The following DIAPH2 variants were observed in gnomAD, a reference collection of about 807,000 sequenced individuals.
The protein encoded by DIAPH2 is diaphanous related formin 2.
Under a neutral mutation model 92.7 loss-of-function variants are expected in DIAPH2, and 35 were observed. That is an observed-to-expected ratio of 0.38 (90% CI 0.29 to 0.50). The LOEUF is 0.50. DIAPH2 is among the 20% of genes least tolerant of loss of function. DIAPH2 has a pLI of 0.94. For missense variants in DIAPH2, 701 were observed against 819.5 expected, an observed-to-expected ratio of 0.86 and a Z score of 1.77; for synonymous variants, 301 against 280.4, an observed-to-expected ratio of 1.07 and a Z score of -0.73.
At chrX:97,160,943 G>A (rs2067365604) in intron 22 of DIAPH2, among the ~76,000 whole-genome samples, 1 of 110,919 alleles carries the variant, frequency 9.0e-6, no homozygotes, top group Non-Finnish European at 1.9e-5. Flanking sequence ...TGGAACATAT[G>A]GAATGATCAT....
intron 17 of DIAPH2, among the ~76,000 whole-genome samples, chrX:97,006,608 C>A (rs1708486955): frequency 8.9e-6 from 1 of 112,002 alleles, no homozygotes; most frequent in Non-Finnish European, 1.9e-5. Flanking sequence ...CATGGAATAT[C>A]TTTTTCCATC....
At chrX:97,543,056 A>G (rs1200593385) in intron 26 of DIAPH2, among the ~76,000 whole-genome samples, 1 of 112,546 alleles carries the variant, frequency 8.9e-6, no homozygotes, top group Non-Finnish European at 1.9e-5. Context: ...CGATTCTGCA[A>G]TCTGGGCTGG....
intron 22 of DIAPH2, among the ~76,000 whole-genome samples, chrX:97,185,357 G>GTA (rs1555998093): frequency 0.024 from 474 of 19,621 alleles, 86 homozygotes; most frequent in African/African-American, 0.11. Flanking sequence ...ATATATGTGT[G>GTA]TATATATATA....
In DIAPH2 at chrX:97,179,365, C is replaced by T. The variant is rs1467027356; in HGVS notation, c.2719+37571C>T. 3.7e-5 allele frequency among the ~76,000 whole-genome samples: 4 copies of T among 109,065 alleles called. No individual in the cohort carries two copies. The Admixed American group carries it at 4.0e-4, about 11-fold the overall frequency. 94.7% of individuals were successfully genotyped at this position (109,065 alleles called of 115,157 possible). ...TTAACCCATCATCTAGGTTCCCTCC[C>T]CTCACCTCCCCAACAAGCCCGTGTG... On this transcript the variant is annotated intron_variant, in intron 22 of 26. Coordinates refer to ENST00000324765, the MANE Select transcript of DIAPH2 (RefSeq NM_006729.5).
At chrX:97,564,176 A>G (rs1569425023) in intron 26 of DIAPH2, among the ~76,000 whole-genome samples, 1 of 112,330 alleles carries the variant, frequency 8.9e-6, no homozygotes. Flanking sequence ...TCCTTTTGCC[A>G]TGTGAGGACA....
At chrX:96,970,336 C>T (rs2065920370) in intron 17 of DIAPH2, among the ~76,000 whole-genome samples, 1 of 102,120 alleles carries the variant, frequency 9.8e-6, no homozygotes, top group Non-Finnish European at 2.0e-5. Flanking sequence ...GTGAAACTGT[C>T]TGTTCTGGGT....
At chrX:97,427,303 G>A (rs960765929) in intron 25 of DIAPH2, among the ~76,000 whole-genome samples, 1 of 110,650 alleles carries the variant, frequency 9.0e-6, no homozygotes, top group African/African-American at 3.3e-5. Context: ...TTAACTTATC[G>A]AATAGTGTTC....
intron 21 of DIAPH2, among the ~76,000 whole-genome samples, chrX:97,135,749 A>G (rs1264900222): frequency 9.0e-6 from 1 of 111,531 alleles, no homozygotes; most frequent in East Asian, 2.8e-4. Context: ...AAAGTGGCAT[A>G]TTCGTAACTA....
chrX:97,232,416 G>A (rs1341453574), intron 22 of DIAPH2, among the ~76,000 whole-genome samples: 1 of 111,142 alleles, frequency 9.0e-6, no homozygotes, highest in Non-Finnish European at 1.9e-5. Context: ...TGTATTTTTA[G>A]TAGCGACGGG....
At chrX:96,883,984 C>A (rs765843821) in intron 5 of DIAPH2, 160 of 188,373 alleles carry the variant, frequency 8.5e-4, no homozygotes, top group African/African-American at 4.3e-3. Context: ...AATAGATAGG[C>A]GCTTTGACCA....
At chrX:97,248,080 C>T (rs138866627) in intron 23 of DIAPH2, among the ~76,000 whole-genome samples, 1,121 of 111,560 alleles carry the variant, frequency 0.01, 13 homozygotes, top group African/African-American at 0.035. Context: ...ATTTGAAAGC[C>T]CACAGGATAT....
At chrX:97,121,615 G>T (rs2067059127) in intron 21 of DIAPH2, among the ~76,000 whole-genome samples, 1 of 111,817 alleles carries the variant, frequency 8.9e-6, no homozygotes. Context: ...GATACAAAGG[G>T]CATATTTTTG....
chrX:97,185,690 A>G (rs938939614), intron 22 of DIAPH2, among the ~76,000 whole-genome samples: 5 of 103,260 alleles, frequency 4.8e-5, no homozygotes, highest in African/African-American at 1.8e-4. Flanking sequence ...TATGGTACCT[A>G]TGCATACTTT....
At chrX:97,502,616 T>C (rs1399072046) in intron 26 of DIAPH2, among the ~76,000 whole-genome samples, 1 of 112,690 alleles carries the variant, frequency 8.9e-6, no homozygotes, top group Non-Finnish European at 1.9e-5. Flanking sequence ...ATCTGAGTTC[T>C]TTTAATAGAT....
At chrX:96,821,018 C>G (rs1213714765) in intron 4 of DIAPH2, among the ~76,000 whole-genome samples, 1 of 111,339 alleles carries the variant, frequency 9.0e-6, no homozygotes, top group Non-Finnish European at 1.9e-5. Flanking sequence ...TTGGAAAGAA[C>G]TTGGTCTGGT....
intron 17 of DIAPH2, among the ~76,000 whole-genome samples, chrX:97,067,824 T>TAATATGC (rs2066643802): frequency 9.0e-6 from 1 of 111,627 alleles, no homozygotes; most frequent in Non-Finnish European, 1.9e-5. Context: ...TACATTGTAT[T>TAATATGC]AATATGCCAC....
chrX:97,566,598 C>T (rs983978280), intron 26 of DIAPH2, among the ~76,000 whole-genome samples: 5 of 111,621 alleles, frequency 4.5e-5, no homozygotes, highest in Admixed American at 3.8e-4. Flanking sequence ...GGCCTGCACA[C>T]GTTTCACATA....
chrX:97,599,031 G>A (rs5966759), intron 26 of DIAPH2, among the ~76,000 whole-genome samples: 33,752 of 111,017 alleles, frequency 0.3, 4,017 homozygotes, highest in South Asian at 0.54. Context: ...CTCTGACTTC[G>A]CTTACCAAGA....
chrX:97,026,595 G>T (rs2066336716), intron 17 of DIAPH2, among the ~76,000 whole-genome samples: 2 of 111,841 alleles, frequency 1.8e-5, no homozygotes, highest in South Asian at 7.5e-4. Flanking sequence ...TCAAACTGCA[G>T]GTGGCTCTCT....
Sources: gnomAD v4.1 joint callset for allele counts (sites outside exome capture counted in the v4.1 genomes callset) on GRCh38, gnomAD v4.1.1 for gene constraint, MANE v1.5 for transcripts, NCBI Gene and HGNC (gene_info 2026-07-23, HGNC 2026-07-21) for gene names.